GPC6: variants seen among roughly 807,000 people sequenced by gnomAD.
GPC6 encodes the protein glypican-6.
Under a neutral mutation model 55.2 loss-of-function variants are expected in GPC6, and 14 were observed. The observed-to-expected ratio is 0.25, with a 90% CI of 0.17 to 0.40. The LOEUF (loss-of-function observed/expected upper bound fraction) is 0.40, where lower values mean the gene tolerates loss of function less well. Ranked by LOEUF, GPC6 falls within the 10% of genes least tolerant of loss-of-function variation. The pLI is 1.00. For synonymous variants in GPC6, 278 were observed against 259.6 expected (o/e 1.07, Z -0.68); for missense variants, 641 against 708.5 (o/e 0.90, Z 1.08).
chr13:93,246,020 G>A (rs1311120015), intron 1 of GPC6, among the ~76,000 whole-genome samples: 2 of 152,120 alleles, frequency 1.3e-5, no homozygotes, highest in African/African-American at 4.8e-5. Context: ...TATGCCTTCT[G>A]TTGGTACCTA....
intron 6 of GPC6, among the ~76,000 whole-genome samples, chr13:94,312,714 G>A (rs7329135): frequency 0.081 from 10,412 of 128,046 alleles, 845 homozygotes; most frequent in African/African-American, 0.23. Context: ...ACACGCACAC[G>A]CGCACGCACA....
At chr13:94,382,643 A>T in intron 7 of GPC6, 93 bp downstream of exon 7, 1 of 1,540,494 alleles carries the variant, frequency 6.5e-7, no homozygotes, top group Non-Finnish European at 8.9e-7. Flanking sequence ...TGTTTATGCA[A>T]AAAGCAACAG....
chr13:93,377,632 G>T (rs1225376977), intron 1 of GPC6, among the ~76,000 whole-genome samples: 3 of 152,190 alleles, frequency 2.0e-5, no homozygotes, highest in South Asian at 2.1e-4. Flanking sequence ...AAATTCTTTT[G>T]TTAATGCTGT....
chr13:93,858,806 T>C (rs1224268478), intron 3 of GPC6, among the ~76,000 whole-genome samples: 1 of 151,336 alleles, frequency 6.6e-6, no homozygotes, highest in Non-Finnish European at 1.5e-5. Flanking sequence ...TAGGGAAGAA[T>C]AGGAGGAGAG....
chr13:94,031,634 A>T (rs1381390964), intron 4 of GPC6, among the ~76,000 whole-genome samples: 1 of 152,228 alleles, frequency 6.6e-6, no homozygotes, highest in Non-Finnish European at 1.5e-5. Context: ...TACAAAACTT[A>T]TCCCAGCCTA....
At chr13:94,005,105 G>A (rs9516330) in intron 3 of GPC6, among the ~76,000 whole-genome samples, 19,270 of 151,984 alleles carry the variant, frequency 0.13, 1,451 homozygotes, top group East Asian at 0.26. Flanking sequence ...AGGTACACAT[G>A]GACTAATAAC....
chr13:93,223,353 A>C (rs1875671065), upstream of GPC6, among the ~76,000 whole-genome samples: 1 of 152,162 alleles, frequency 6.6e-6, no homozygotes, highest in Admixed American at 6.5e-5. Context: ...ATGTGAAAGT[A>C]CTGTATAAAC....
chr13:94,119,505 G>T (rs528436198), intron 4 of GPC6, among the ~76,000 whole-genome samples: 1 of 152,078 alleles, frequency 6.6e-6, no homozygotes, highest in Non-Finnish European at 1.5e-5. Flanking sequence ...AGAAACAGCA[G>T]GTGCAAAGCC....
At chr13:93,257,646 A>G (rs998509431) in intron 1 of GPC6, among the ~76,000 whole-genome samples, 6 of 152,186 alleles carry the variant, frequency 3.9e-5, no homozygotes, top group South Asian at 4.1e-4. Flanking sequence ...TTTTCATCAT[A>G]GGCATCATCA....
In GPC6 at chr13:93,895,312, C is replaced by G. The variant is rs542190564; in HGVS notation, c.711+64767C>G. On this transcript the variant is annotated intron_variant, in intron 3 of 8. Transcript: ENST00000377047. ...CACACAAGAATTTATAGTATGAACCCTGCATGAATTTGAGTCTGTGCTGGG... is the reference window on the plus strand; with the variant it reads ...CACACAAGAATTTATAGTATGAACCGTGCATGAATTTGAGTCTGTGCTGGG... 3.1e-4 allele frequency among the ~76,000 whole-genome samples: 45 copies of G among 144,604 alleles called. 1 individual carries two copies. The highest frequency in any genetic ancestry group is 1.0e-3 in the African/African-American group (41 of 39,124). The allele number at this position is 144,604 out of a possible 152,430, so 94.9% of individuals were successfully genotyped here.
At chr13:93,340,390 A>G (rs894578033) in intron 1 of GPC6, among the ~76,000 whole-genome samples, 3 of 152,190 alleles carry the variant, frequency 2.0e-5, no homozygotes, top group Non-Finnish European at 4.4e-5. Flanking sequence ...GGCTCTTGAG[A>G]TACAATATTA....
chr13:93,359,405 T>C lies in GPC6; in HGVS notation c.160+131789T>C, dbSNP rs575832780. On this transcript the variant is annotated intron_variant, in intron 1 of 8. Coordinates refer to ENST00000377047, the MANE Select transcript of GPC6 (RefSeq NM_005708.5). ...TTCTGTTACTCAACTTCCTCATCTG[T>C]AAAATGGGATAATCGTACATTCTGT... Among the ~76,000 whole-genome samples, 4 of 152,304 alleles carry C rather than the reference T, an allele frequency of 2.6e-5. No homozygotes were observed. The South Asian group carries it at 8.3e-4, about 32-fold the overall frequency.
chr13:94,323,557 A>C (rs1566674759), intron 6 of GPC6, among the ~76,000 whole-genome samples: 1 of 152,180 alleles, frequency 6.6e-6, no homozygotes. Flanking sequence ...TATGGACATA[A>C]AGTGTGGAGT....
Position 93,471,206 on chromosome 13 carries a change from T to C in GPC6, c.161-74057T>C, listed in dbSNP as rs573265103. Among the ~76,000 whole-genome samples, 36 of 152,196 alleles carry C rather than the reference T, an allele frequency of 2.4e-4. No individual in the cohort carries two copies. In the Middle Eastern group the frequency reaches 0.014, roughly 58 times the overall value. Reference sequence around the variant, plus strand: ...TAGTTAAGATGGAAATTTTGAGGTCTCTCTTCTTTTCTTATATAAGCATTT... The same window carrying C: ...TAGTTAAGATGGAAATTTTGAGGTCCCTCTTCTTTTCTTATATAAGCATTT... On this transcript the variant is annotated intron_variant, in intron 1 of 8. Coordinates refer to ENST00000377047, the MANE Select transcript of GPC6 (RefSeq NM_005708.5).
chr13:94,019,306 G>A (rs1237934228), intron 3 of GPC6, among the ~76,000 whole-genome samples: 1 of 152,038 alleles, frequency 6.6e-6, no homozygotes, highest in African/African-American at 2.4e-5. Flanking sequence ...TATCTTTCCA[G>A]GGATTTTTTG....
At chr13:93,802,699 G>C (rs1886414122) in intron 2 of GPC6, among the ~76,000 whole-genome samples, 1 of 152,018 alleles carries the variant, frequency 6.6e-6, no homozygotes, top group Admixed American at 6.6e-5. Flanking sequence ...TGCTGGGGCT[G>C]AAAATAACCT....
intron 6 of GPC6, among the ~76,000 whole-genome samples, chr13:94,359,793 C>T (rs1219700508): frequency 6.6e-6 from 1 of 151,938 alleles, no homozygotes; most frequent in Non-Finnish European, 1.5e-5. Flanking sequence ...TTATACTTAT[C>T]TGCAATAAAA....
intron 4 of GPC6, among the ~76,000 whole-genome samples, chr13:94,036,737 C>T (rs1215961848): frequency 6.6e-6 from 1 of 152,104 alleles, no homozygotes; most frequent in Middle Eastern, 3.4e-3. Context: ...CCTCTCCTAC[C>T]TCAGCGCTAC....
At chr13:94,220,542 G>C (rs1890352086) in intron 4 of GPC6, among the ~76,000 whole-genome samples, 1 of 151,968 alleles carries the variant, frequency 6.6e-6, no homozygotes, top group African/African-American at 2.4e-5. Flanking sequence ...GTAATACTTT[G>C]CTAGACTCTG....
Sources: allele counts gnomAD v4.1 joint callset (sites outside exome capture counted in the v4.1 genomes callset), GRCh38; gene constraint gnomAD v4.1.1; transcripts MANE v1.5; gene names NCBI Gene and HGNC (gene_info 2026-07-23, HGNC 2026-07-21).